HMCN2: variants seen among roughly 807,000 people sequenced by gnomAD.
HMCN2 encodes hemicentin-2.
Under a neutral mutation model 377.5 loss-of-function variants are expected in HMCN2, and 325 were observed. The ratio of observed to expected loss-of-function variants is 0.86; its 90% CI spans 0.79 to 0.94. The LOEUF (loss-of-function observed/expected upper bound fraction) is 0.94, where lower values mean the gene tolerates loss of function less well. HMCN2 is among the 40% of genes least tolerant of loss of function. The pLI is 0.00. For synonymous variants in HMCN2, 2,007 were observed against 2,046.8 expected (o/e 0.98, Z 0.53); for missense variants, 4,543 against 4,725.3 (o/e 0.96, Z 1.13).
chr9:130,281,985 C>A (rs935244729), intron 1 of HMCN2, among the ~76,000 whole-genome samples: 1 of 151,936 alleles, frequency 6.6e-6, no homozygotes, highest in South Asian at 2.1e-4. Flanking sequence ...TAGCCTGGCA[C>A]TTACAAGGTA....
chr9:130,331,512 G>C (rs1838426856), intron 22 of HMCN2, among the ~76,000 whole-genome samples: 1 of 152,154 alleles, frequency 6.6e-6, no homozygotes, highest in Non-Finnish European at 1.5e-5. Context: ...AGAAGACATG[G>C]GCTTGGGCTG....
At chr9:130,350,385 A>G (rs1839640097) in intron 29 of HMCN2, among the ~76,000 whole-genome samples, 1 of 84,810 alleles carries the variant, frequency 1.2e-5, no homozygotes, top group Non-Finnish European at 2.8e-5. Context: ...ATACAAAAAA[A>G]TACAAAAAAA....
rs924794847 is a variant in HMCN2, at chr9:130,349,548, G to A, written c.4315G>A (p.Val1439Met). 15 of 1,302,786 alleles carry A rather than the reference G, an allele frequency of 1.2e-5. No individual in the cohort carries two copies. Among genetic ancestry groups the A allele is most frequent in the African/African-American group, 3.0e-5 (2 of 65,804 alleles). The allele number at this position is 1,302,786 out of a possible 1,614,324, so 80.7% of individuals were successfully genotyped here. The change falls in exon 29 of 98, where the codon GTG (valine) becomes ATG (methionine). Residue 1439 changes from valine to methionine, a missense_variant. Around this residue, in one of 5 missense-constraint regions of HMCN2, gnomAD observed 1,032 missense variants for 1,285.1 expected, o/e 0.80. Transcript: ENST00000683500. Reference sequence around the variant, plus strand: ...CTTCTCACCCCCAGCCCCTCCTTCCGTGCTTGGAGCCGGGGCCGCTCAGGA... The same window carrying A: ...CTTCTCACCCCCAGCCCCTCCTTCCATGCTTGGAGCCGGGGCCGCTCAGGA... ...FHLLVLTPPS[V>M]LGAGAAQEVL... is the part of the protein sequence containing the mutation.
chr9:130,400,030 G>A (rs1229433398), intron 76 of HMCN2, among the ~76,000 whole-genome samples: 4 of 152,236 alleles, frequency 2.6e-5, no homozygotes, highest in Admixed American at 2.0e-4. Context: ...TCATTCCAGG[G>A]TCTAATCAAG....
At chr9:130,398,336 A>G (rs1052957764) in intron 74 of HMCN2, among the ~76,000 whole-genome samples, 1 of 151,988 alleles carries the variant, frequency 6.6e-6, no homozygotes, top group African/African-American at 2.4e-5. Flanking sequence ...AGTCAAGGAA[A>G]GGCACTGAGG....
At chr9:130,314,686 CAG>C (rs1421812397) in intron 15 of HMCN2, among the ~76,000 whole-genome samples, 1 of 152,320 alleles carries the variant, frequency 6.6e-6, no homozygotes, top group South Asian at 2.1e-4. Context: ...AACTGAGTCT[CAG>C]GGGGCTCTTC....
intron 18 of HMCN2, among the ~76,000 whole-genome samples, chr9:130,321,148 G>T (rs1352633756): frequency 2.0e-5 from 3 of 152,190 alleles, no homozygotes; most frequent in African/African-American, 7.2e-5. Flanking sequence ...GCTCTGCAGG[G>T]CAATCGTGTG....
chr9:130,385,512 G>C (rs1167024614), intron 59 of HMCN2, 48 bp from the exon 60 acceptor site: 1 of 1,241,812 alleles, frequency 8.1e-7, no homozygotes, highest in South Asian at 1.3e-5. Context: ...GAGTGGGGAG[G>C]GCGCAGGGAC....
At chr9:130,358,058 T>A in intron 35 of HMCN2, 70 bp downstream of exon 35, 1 of 1,210,656 alleles carries the variant, frequency 8.3e-7, no homozygotes, top group Non-Finnish European at 1.1e-6. Context: ...GGGGGCTTCC[T>A]GGAGACTCTG....
chr9:130,289,181 T>C (rs939010899), intron 4 of HMCN2, among the ~76,000 whole-genome samples: 32 of 152,226 alleles, frequency 2.1e-4, no homozygotes, highest in African/African-American at 7.7e-4. Context: ...CTCCTCTGCA[T>C]CCCCCACCCC....
chr9:130,345,091 G>A lies in HMCN2; in HGVS notation c.3830-2075G>A, dbSNP rs1311174004. 1.7e-3 allele frequency among the ~76,000 whole-genome samples: 255 copies of A among 150,266 alleles called. 1 individual carries two copies. The highest frequency in any genetic ancestry group is 5.8e-3 in the African/African-American group (235 of 40,236). ...GTGTGTGTAGTGTGTAGTGCATGGT[G>A]TGTATGTGGTGTGTGGTATGTATTG... On this transcript the variant is annotated intron_variant, in intron 25 of 97. Transcript: ENST00000683500.
intron 1 of HMCN2, among the ~76,000 whole-genome samples, chr9:130,283,578 C>T (rs140753971): frequency 2.6e-3 from 396 of 152,330 alleles, no homozygotes; most frequent in African/African-American, 8.6e-3. Flanking sequence ...CTGTCTCAGA[C>T]AGTTCCTTCC....
chr9:130,286,824 G>A (rs971538544), intron 4 of HMCN2, among the ~76,000 whole-genome samples: 3 of 152,176 alleles, frequency 2.0e-5, no homozygotes, highest in Admixed American at 6.5e-5. Flanking sequence ...CGGGATCTGC[G>A]TTCACTCAGA....
intron 6 of HMCN2, among the ~76,000 whole-genome samples, chr9:130,296,164 C>A (rs184490479): frequency 2.0e-5 from 3 of 152,280 alleles, no homozygotes; most frequent in African/African-American, 7.2e-5. Flanking sequence ...GAGCCAGGGA[C>A]TGTGGGCCAG....
At position 130,428,161 on chromosome 9, in the gene HMCN2, G is replaced by A. The variant is rs971376535; in HGVS notation, c.14066-197G>A. Among the ~76,000 whole-genome samples the A allele has an allele frequency of 6.6e-6, 1 of 152,210 alleles. No individual in the cohort carries two copies. Among genetic ancestry groups the A allele is most frequent in the Non-Finnish European group, 1.5e-5 (1 of 68,038 alleles). ...GGAAGCTGCAGGCCCAAGGACTCGG[G>A]TCCCTTGGAGTGGGCCCTATGTTTT... is the stretch of plus-strand genomic sequence containing the variant. On this transcript the variant is annotated intron_variant, in intron 92 of 97. Transcript: ENST00000683500. The surrounding 1 kb of genome is among the most constrained non-coding windows in gnomAD (Gnocchi z 5.0).
intron 57 of HMCN2, among the ~76,000 whole-genome samples, chr9:130,384,166 T>C (rs546727502): frequency 6.6e-6 from 1 of 152,330 alleles, no homozygotes; most frequent in South Asian, 2.1e-4. Flanking sequence ...TGTGTGGCCT[T>C]GGAACAGTGA....
intron 1 of HMCN2, among the ~76,000 whole-genome samples, chr9:130,276,119 G>T (rs1165047895): frequency 2.7e-4 from 41 of 150,316 alleles, no homozygotes; most frequent in African/African-American, 9.3e-4. Context: ...AGGGGCAGGG[G>T]TGGGTGGGTG....
chr9:130,285,900 C>T (rs571925150), intron 3 of HMCN2, among the ~76,000 whole-genome samples: 72 of 152,300 alleles, frequency 4.7e-4, no homozygotes, highest in African/African-American at 1.6e-3. Context: ...TGAGATGAGT[C>T]GACTTCCACG....
At chr9:130,400,715 C>G in intron 76 of HMCN2, 68 bp from the exon 77 acceptor site, 1 of 1,174,486 alleles carries the variant, frequency 8.5e-7, no homozygotes, top group Non-Finnish European at 1.1e-6. Context: ...TAGCTTTACC[C>G]CCTGGCCCTG....
Sources: allele counts gnomAD v4.1 joint callset (sites outside exome capture counted in the v4.1 genomes callset), GRCh38; gene constraint gnomAD v4.1.1; regional missense constraint gnomAD v4.1.1; non-coding constraint Gnocchi (gnomAD v3.1); transcripts MANE v1.5; gene names NCBI Gene and HGNC (gene_info 2026-07-23, HGNC 2026-07-21).